KCND2: variants seen among roughly 807,000 people sequenced by gnomAD.
KCND2 encodes the protein potassium voltage-gated channel subfamily D member 2, also known as A-type voltage-gated potassium channel KCND2.
A neutral mutation model predicts 54.4 loss-of-function variants in KCND2; 16 were observed. That is an observed-to-expected ratio of 0.29 (90% CI 0.20 to 0.45). The LOEUF (loss-of-function observed/expected upper bound fraction) is 0.45. Ranked by LOEUF, KCND2 falls within the 20% of genes least tolerant of loss-of-function variation. The pLI is 1.00. For missense variants in KCND2, 486 were observed against 824.2 expected, an observed-to-expected ratio of 0.59 and a Z score of 5.02; for synonymous variants, 317 against 310.7, an observed-to-expected ratio of 1.02 and a Z score of -0.21.
chr7:120,354,523 C>T (rs938313920), intron 1 of KCND2, among the ~76,000 whole-genome samples: 2 of 152,186 alleles, frequency 1.3e-5, no homozygotes, highest in African/African-American at 4.8e-5. Flanking sequence ...TGTAACTGCA[C>T]TTTTGGCAAC....
At chr7:120,420,641 G>GA (rs1801598093) in intron 1 of KCND2, among the ~76,000 whole-genome samples, 1 of 152,094 alleles carries the variant, frequency 6.6e-6, no homozygotes, top group South Asian at 2.1e-4. Context: ...TCTATGAAAG[G>GA]AATCTGCTCA....
intron 1 of KCND2, among the ~76,000 whole-genome samples, chr7:120,438,583 A>G (rs1044025294): frequency 6.6e-6 from 1 of 152,192 alleles, no homozygotes; most frequent in Non-Finnish European, 1.5e-5. Flanking sequence ...TTTGATAGGC[A>G]CTAATACTAG....
At chr7:120,664,793 T>C (rs1791905380) in intron 1 of KCND2, among the ~76,000 whole-genome samples, 1 of 152,068 alleles carries the variant, frequency 6.6e-6, no homozygotes, top group Admixed American at 6.6e-5. Context: ...GTCACATTAG[T>C]GATTCAGTAA....
intron 1 of KCND2, among the ~76,000 whole-genome samples, chr7:120,574,738 C>T (rs1479802473): frequency 6.6e-6 from 1 of 152,010 alleles, no homozygotes; most frequent in African/African-American, 2.4e-5. Flanking sequence ...ACTCACCATT[C>T]TAGGTTTTTT....
intron 1 of KCND2, among the ~76,000 whole-genome samples, chr7:120,297,168 T>TC (rs1250355430): frequency 1.3e-5 from 2 of 151,810 alleles, no homozygotes; most frequent in African/African-American, 4.8e-5. Flanking sequence ...ATTATTCACT[T>TC]CCCCCCCAGC....
chr7:120,545,454 T>G (rs1792031432), intron 1 of KCND2, among the ~76,000 whole-genome samples: 1 of 151,916 alleles, frequency 6.6e-6, no homozygotes, highest in South Asian at 2.1e-4. Flanking sequence ...TTTCATTATG[T>G]AAATTATATG....
chr7:120,439,325 T>C (rs1311410144), intron 1 of KCND2, among the ~76,000 whole-genome samples: 1 of 152,050 alleles, frequency 6.6e-6, no homozygotes, highest in African/African-American at 2.4e-5. Context: ...ATAGTGATGT[T>C]AGGAGAAATA....
At chr7:120,700,802 G>A (rs1792391790) in intron 1 of KCND2, among the ~76,000 whole-genome samples, 1 of 152,124 alleles carries the variant, frequency 6.6e-6, no homozygotes, top group Non-Finnish European at 1.5e-5. Context: ...TGAAAGGGAA[G>A]ACAATAGCTA....
At chr7:120,509,435 T>A (rs1803079259) in intron 1 of KCND2, among the ~76,000 whole-genome samples, 1 of 152,056 alleles carries the variant, frequency 6.6e-6, no homozygotes, top group Non-Finnish European at 1.5e-5. Context: ...AATTCTAAAA[T>A]GAAAAGTGCA....
chr7:120,349,621 A>G (rs1475092145), intron 1 of KCND2, among the ~76,000 whole-genome samples: 1 of 152,200 alleles, frequency 6.6e-6, no homozygotes, highest in African/African-American at 2.4e-5. Flanking sequence ...GAATCTCACT[A>G]TCAATTAAGG....
At chr7:120,536,934 A>G (rs1791919073) in intron 1 of KCND2, among the ~76,000 whole-genome samples, 1 of 152,112 alleles carries the variant, frequency 6.6e-6, no homozygotes, top group Non-Finnish European at 1.5e-5. Context: ...TTCCAGATCA[A>G]CTTCTTTTAA....
At chr7:120,299,160 A>C (rs746199739) in intron 1 of KCND2, among the ~76,000 whole-genome samples, 2 of 148,210 alleles carry the variant, frequency 1.3e-5, no homozygotes, top group African/African-American at 2.5e-5. Context: ...AACTCTGTCT[A>C]AAAAAAAAAA....
intron 1 of KCND2, among the ~76,000 whole-genome samples, chr7:120,657,319 C>T (rs1791814668): frequency 6.6e-6 from 1 of 152,076 alleles, no homozygotes; most frequent in Admixed American, 6.6e-5. Context: ...ATGACTTTCT[C>T]ATAACAGACG....
chr7:120,616,878 C>G (rs990992801), intron 1 of KCND2, among the ~76,000 whole-genome samples: 1 of 152,114 alleles, frequency 6.6e-6, no homozygotes, highest in Non-Finnish European at 1.5e-5. Flanking sequence ...CAGTTTTCTT[C>G]CTTCTCTGCC....
intron 1 of KCND2, among the ~76,000 whole-genome samples, chr7:120,624,460 T>A (rs1793140298): frequency 1.3e-5 from 2 of 152,158 alleles, no homozygotes; most frequent in Admixed American, 1.3e-4. Context: ...AATATTGCAA[T>A]TAGACAGAAA....
intron 1 of KCND2, among the ~76,000 whole-genome samples, chr7:120,311,983 C>T (rs1394219164): frequency 1.3e-5 from 2 of 152,160 alleles, no homozygotes; most frequent in Non-Finnish European, 2.9e-5. Flanking sequence ...CGGCTCACCA[C>T]AACCTCCACC....
chr7:120,387,320 C>T (rs1002731099), intron 1 of KCND2, among the ~76,000 whole-genome samples: 1 of 151,928 alleles, frequency 6.6e-6, no homozygotes, highest in African/African-American at 2.4e-5. Flanking sequence ...ATTTATGTAA[C>T]TTTGTTTTGC....
intron 1 of KCND2, among the ~76,000 whole-genome samples, chr7:120,633,416 C>T (rs1584862604): frequency 6.6e-6 from 1 of 152,080 alleles, no homozygotes; most frequent in East Asian, 1.9e-4. Context: ...AATATGGAAA[C>T]CAACTGTAAG....
chr7:120,676,892 A>G (rs985491646), intron 1 of KCND2, among the ~76,000 whole-genome samples: 4 of 152,218 alleles, frequency 2.6e-5, no homozygotes, highest in African/African-American at 4.8e-5. Context: ...AGAACTAAGC[A>G]TGCACTTTCT....
Sources: gnomAD v4.1 joint callset for allele counts (sites outside exome capture counted in the v4.1 genomes callset) on GRCh38, gnomAD v4.1.1 for gene constraint, MANE v1.5 for transcripts, NCBI Gene and HGNC (gene_info 2026-07-23, HGNC 2026-07-21) for gene names.